Variants in LCORL observed in about 807,000 individuals in gnomAD.
LCORL encodes the protein ligand dependent nuclear receptor corepressor like.
A neutral mutation model predicts 141.8 loss-of-function variants in LCORL; 41 were observed. That is an observed-to-expected ratio of 0.29 (90% CI 0.23 to 0.38). LCORL has a LOEUF of 0.38. Ranked by LOEUF, LCORL falls within the 10% of genes least tolerant of loss-of-function variation. LCORL has a pLI of 1.00. For missense variants in LCORL, 1,759 were observed against 2,035.0 expected, an observed-to-expected ratio of 0.86 and a Z score of 2.61; for synonymous variants, 618 against 694.1, an observed-to-expected ratio of 0.89 and a Z score of 1.72.
intron 7 of LCORL, among the ~76,000 whole-genome samples, chr4:17,865,789 C>T (rs937856574): frequency 6.6e-5 from 10 of 152,124 alleles, no homozygotes; most frequent in African/African-American, 1.7e-4. Context: ...TAGGTGGATC[C>T]GCACAATCAT....
In LCORL at chr4:17,875,413, A is replaced by G. The variant is rs1007308985; in HGVS notation, c.3577T>C (p.Leu1193=). The change falls in exon 7 of 8, where the codon TTG becomes CTG. Residue 1193 remains leucine (L), a synonymous_variant. Coordinates refer to ENST00000635767, the Ensembl canonical transcript of LCORL. Reference sequence around the variant, plus strand: ...GCTACAGCACTTATTCTTTCACCCAAGTCAATTTTGTCTTCACTAATATTT... The same window carrying G: ...GCTACAGCACTTATTCTTTCACCCAGGTCAATTTTGTCTTCACTAATATTT... 1.8e-5 allele frequency: 22 copies of G among 1,231,412 alleles called. 1 individual carries two copies. The highest frequency in any genetic ancestry group is 8.5e-5 in the Admixed American group (2 of 23,622). 76.3% of individuals were successfully genotyped at this position (1,231,412 alleles called of 1,614,324 possible). A position where few individuals can be genotyped will look rare whatever the true frequency, so the allele number is the denominator to read the frequency against.
intron 7 of LCORL, among the ~76,000 whole-genome samples, chr4:17,862,785 A>G (rs917320614): frequency 6.6e-6 from 1 of 152,240 alleles, no homozygotes; most frequent in African/African-American, 2.4e-5. Context: ...AGGATAACCA[A>G]TGAAATACCA....
intron 1 of LCORL, among the ~76,000 whole-genome samples, chr4:18,002,400 A>G (rs1305788811): frequency 6.6e-6 from 1 of 152,078 alleles, no homozygotes; most frequent in Non-Finnish European, 1.5e-5. Flanking sequence ...CGCCTCTCAC[A>G]AAAGAAAAAA....
chr4:17,974,356 CT>C (rs1716538760), intron 1 of LCORL, among the ~76,000 whole-genome samples: 1 of 152,082 alleles, frequency 6.6e-6, no homozygotes, highest in African/African-American at 2.4e-5. Context: ...TCATGAAATT[CT>C]TATGGTTCAA....
chr4:18,005,283 C>T (rs992510471), intron 1 of LCORL, among the ~76,000 whole-genome samples: 17 of 152,196 alleles, frequency 1.1e-4, no homozygotes, highest in East Asian at 7.7e-4. Context: ...CCAGGTCACA[C>T]TGGATGGGTT....
intron 7 of LCORL, among the ~76,000 whole-genome samples, chr4:17,849,307 G>A (rs974657594): frequency 7.9e-5 from 12 of 152,240 alleles, no homozygotes; most frequent in East Asian, 3.9e-4. Context: ...TCACACGGCC[G>A]GGTACTCCTC....
At chr4:17,951,369 G>A (rs1009076291) in intron 4 of LCORL, among the ~76,000 whole-genome samples, 1 of 152,206 alleles carries the variant, frequency 6.6e-6, no homozygotes, top group East Asian at 1.9e-4. Context: ...ATTTTAGATT[G>A]TTCTTTAGAG....
chr4:17,922,480 G>A (rs1337011825), intron 4 of LCORL, among the ~76,000 whole-genome samples: 1 of 152,136 alleles, frequency 6.6e-6, no homozygotes, highest in Non-Finnish European at 1.5e-5. Context: ...GAAGTCGGTT[G>A]GTTGCTCCTA....
intron 6 of LCORL, chr4:17,883,839 C>G (rs1727932528): frequency 6.4e-7 from 1 of 1,550,472 alleles, no homozygotes. Flanking sequence ...CCAGATCTTT[C>G]TTTTACCTTG....
At chr4:17,880,670 T>C (rs1216271920) in intron 6 of LCORL, 2 of 983,198 alleles carry the variant, frequency 2.0e-6, no homozygotes, top group Non-Finnish European at 2.4e-6. Flanking sequence ...GTGTTGTAAA[T>C]TTAAGTGCAA....
intron 6 of LCORL, chr4:17,883,766 G>C (rs1727915421): frequency 1.3e-6 from 2 of 1,547,624 alleles, no homozygotes; most frequent in African/African-American, 1.4e-5. Flanking sequence ...CCCTGAATCT[G>C]TCATATTATA....
At chr4:17,968,149 C>T (rs1715275033) in intron 2 of LCORL, among the ~76,000 whole-genome samples, 1 of 151,944 alleles carries the variant, frequency 6.6e-6, no homozygotes, top group Admixed American at 6.6e-5. Flanking sequence ...TGAGGCACTG[C>T]ACCCGGCCAT....
chr4:17,917,896 T>C (rs1455138872), intron 4 of LCORL, among the ~76,000 whole-genome samples: 1 of 152,156 alleles, frequency 6.6e-6, no homozygotes, highest in Non-Finnish European at 1.5e-5. Flanking sequence ...TCATGGCACT[T>C]TAAATTGCAC....
chr4:17,998,985 A>AAAAAAAATAT (rs1374815646), intron 1 of LCORL, among the ~76,000 whole-genome samples: 12 of 57,886 alleles, frequency 2.1e-4, no homozygotes, highest in South Asian at 7.5e-4. Flanking sequence ...AAAAAAAAAA[A>AAAAAAAATAT]ATATATATAT....
chr4:17,918,069 C>G lies in LCORL; in HGVS notation c.431-8724G>C, dbSNP rs1019125045. Among the ~76,000 whole-genome samples, 4 of 152,164 alleles carry G rather than the reference C, an allele frequency of 2.6e-5. No homozygotes were observed. The East Asian group carries it at 5.8e-4, about 22-fold the overall frequency. On this transcript the variant is annotated intron_variant, in intron 4 of 7. Transcript: ENST00000635767. Reference sequence around the variant, plus strand: ...ACACTGAGAGTCTTACGATTGTAGACGTATGAGGAAACATCTGTTCAATCA... The same window carrying G: ...ACACTGAGAGTCTTACGATTGTAGAGGTATGAGGAAACATCTGTTCAATCA...
At chr4:17,898,278 T>G (rs1200635463) in intron 5 of LCORL, among the ~76,000 whole-genome samples, 2 of 152,192 alleles carry the variant, frequency 1.3e-5, no homozygotes, top group Non-Finnish European at 2.9e-5. Flanking sequence ...TAAAATCACT[T>G]GATATAATTC....
intron 4 of LCORL, among the ~76,000 whole-genome samples, chr4:17,919,731 G>A (rs1734000544): frequency 1.3e-5 from 2 of 152,308 alleles, no homozygotes; most frequent in South Asian, 4.1e-4. Flanking sequence ...TGTGTTGGGT[G>A]TGTTAGGTCT....
At chr4:18,008,518 A>G (rs969939580) in intron 1 of LCORL, among the ~76,000 whole-genome samples, 5 of 152,242 alleles carry the variant, frequency 3.3e-5, no homozygotes, top group Non-Finnish European at 7.3e-5. Context: ...TTGACCTGGT[A>G]TAGTGGTTAA....
At chr4:17,851,690 C>T (rs1470868778) in intron 7 of LCORL, among the ~76,000 whole-genome samples, 1 of 152,078 alleles carries the variant, frequency 6.6e-6, no homozygotes, top group Non-Finnish European at 1.5e-5. Flanking sequence ...ATCTATAGAG[C>T]TGACGAGGAG....
Sources: allele counts gnomAD v4.1 joint callset (sites outside exome capture counted in the v4.1 genomes callset), GRCh38; gene constraint gnomAD v4.1.1; transcripts MANE v1.5; gene names NCBI Gene and HGNC (gene_info 2026-07-23, HGNC 2026-07-21).